CCSER1: variants seen among roughly 807,000 people sequenced by gnomAD.
The protein encoded by CCSER1 is serine-rich coiled-coil domain-containing protein 1.
In CCSER1, 41 loss-of-function variants were observed where a neutral mutation model predicts 82.0. That is an observed-to-expected ratio of 0.50 (90% CI 0.39 to 0.65). The LOEUF is 0.65. Ranked by LOEUF, CCSER1 falls within the 30% of genes least tolerant of loss-of-function variation. CCSER1 has a pLI of 0.00. For synonymous variants in CCSER1, 414 were observed against 383.9 expected, an observed-to-expected ratio of 1.08 and a Z score of -0.92; for missense variants, 1,119 against 1,064.2, an observed-to-expected ratio of 1.05 and a Z score of -0.72.
At chr4:90,226,680 T>G (rs905005380) in intron 1 of CCSER1, among the ~76,000 whole-genome samples, 5 of 152,214 alleles carry the variant, frequency 3.3e-5, no homozygotes, top group African/African-American at 1.2e-4. Context: ...CAAAGGGGCT[T>G]TGGCTTTCCA....
intron 3 of CCSER1, among the ~76,000 whole-genome samples, chr4:90,348,178 A>T (rs764937259): frequency 1.1e-4 from 17 of 152,040 alleles, no homozygotes; most frequent in Non-Finnish European, 2.1e-4. Flanking sequence ...TAGGTGAAAT[A>T]CCTGGGTGAC....
intron 10 of CCSER1, among the ~76,000 whole-genome samples, chr4:91,204,452 G>T (rs977304524): frequency 6.6e-6 from 1 of 151,698 alleles, no homozygotes; most frequent in Non-Finnish European, 1.5e-5. Flanking sequence ...CTACTTTGGG[G>T]AAATCCCACC....
chr4:90,151,283 A>G (rs1172457701), intron 1 of CCSER1, among the ~76,000 whole-genome samples: 2 of 152,082 alleles, frequency 1.3e-5, no homozygotes, highest in Non-Finnish European at 1.5e-5. Context: ...TCTTGCTACT[A>G]TATTTTAGAT....
chr4:90,144,422 T>C (rs1725422836), intron 1 of CCSER1, among the ~76,000 whole-genome samples: 2 of 152,230 alleles, frequency 1.3e-5, no homozygotes, highest in Non-Finnish European at 2.9e-5. Flanking sequence ...ATAGCTCTTG[T>C]AACATTCATC....
At chr4:90,696,384 A>G (rs1736996356) in intron 6 of CCSER1, among the ~76,000 whole-genome samples, 1 of 140,100 alleles carries the variant, frequency 7.1e-6, no homozygotes, top group African/African-American at 2.6e-5. Context: ...AGTTAAAATA[A>G]TGAGAAACTG....
At chr4:90,732,466 G>A (rs1329247952) in intron 7 of CCSER1, among the ~76,000 whole-genome samples, 2 of 152,098 alleles carry the variant, frequency 1.3e-5, no homozygotes, top group Non-Finnish European at 2.9e-5. Flanking sequence ...ATTTTACTGG[G>A]GGCTTATCAT....
intron 10 of CCSER1, among the ~76,000 whole-genome samples, chr4:91,347,936 CT>C (rs944185331): frequency 1.3e-5 from 2 of 151,112 alleles, no homozygotes; most frequent in African/African-American, 4.8e-5. Flanking sequence ...AGTTTTATTT[CT>C]TCCTTCCCAA....
chr4:91,009,994 T>G (rs1371087696), intron 9 of CCSER1, among the ~76,000 whole-genome samples: 1 of 152,198 alleles, frequency 6.6e-6, no homozygotes, highest in African/African-American at 2.4e-5. Flanking sequence ...CCTGAGAATT[T>G]TTTACTTTCT....
intron 7 of CCSER1, among the ~76,000 whole-genome samples, chr4:90,805,125 A>G (rs1461117379): frequency 6.6e-6 from 1 of 152,204 alleles, no homozygotes. Flanking sequence ...GTAACAAGTT[A>G]TTTCAAAATT....
Position 90,638,881 on chromosome 4 carries a change from G to A in CCSER1, c.1932+10649G>A, listed in dbSNP as rs142048876. ...GTAAAGATTACAGTTGTTTTGAATC[G>A]TAGAGATCTAGGTGTGAATCTCACT... is the stretch of plus-strand genomic sequence containing the variant. On this transcript the variant is annotated intron_variant, in intron 6 of 10. Transcript: ENST00000509176. Among the ~76,000 whole-genome samples the A allele has an allele frequency of 8.9e-3, 1,347 of 152,172 alleles. 9 individuals carry two copies. The highest frequency in any genetic ancestry group is 0.023 in the African/African-American group (968 of 41,528).
intron 10 of CCSER1, among the ~76,000 whole-genome samples, chr4:91,569,698 TC>T (rs1763071894): frequency 2.0e-5 from 3 of 152,142 alleles, no homozygotes; most frequent in Admixed American, 6.5e-5. Flanking sequence ...TTCAATTATC[TC>T]CCACCAGGTC....
intron 5 of CCSER1, among the ~76,000 whole-genome samples, chr4:90,493,220 A>C (rs1768364407): frequency 6.6e-6 from 1 of 152,222 alleles, no homozygotes; most frequent in Non-Finnish European, 1.5e-5. Context: ...GAGAAAAAAG[A>C]GTAAAAAGAA....
chr4:90,183,744 A>G (rs905074341), intron 1 of CCSER1, among the ~76,000 whole-genome samples: 4 of 152,126 alleles, frequency 2.6e-5, no homozygotes, highest in African/African-American at 9.7e-5. Flanking sequence ...AATTCTTTCT[A>G]TTGTCACAAT....
At chr4:90,344,951 C>T (rs887448266) in intron 3 of CCSER1, among the ~76,000 whole-genome samples, 1 of 151,956 alleles carries the variant, frequency 6.6e-6, no homozygotes, top group Admixed American at 6.6e-5. Context: ...ATTCAATTTC[C>T]TCGTAACATT....
chr4:90,691,882 CTGT>C lies in CCSER1; in HGVS notation c.1933-32027_1933-32025del, dbSNP rs1736051609. 8.6e-5 allele frequency among the ~76,000 whole-genome samples: 13 copies of C among 151,842 alleles called. No homozygotes were observed. The South Asian group carries it at 2.7e-3, about 32-fold the overall frequency. ...TCCACCCTCACATAGGTTCCCGTGT[CTGT>C]TGTTCCCTTCTTTGTGTCCATATGT... is the stretch of plus-strand genomic sequence containing the variant. On this transcript the variant is annotated intron_variant, in intron 6 of 10. Transcript: ENST00000509176.
At chr4:90,307,944 G>A (rs1484850197) in intron 1 of CCSER1, among the ~76,000 whole-genome samples, 1 of 152,142 alleles carries the variant, frequency 6.6e-6, no homozygotes, top group Non-Finnish European at 1.5e-5. Flanking sequence ...ACAGCTATAA[G>A]TAGGAAGTCT....
At position 90,496,806 on chromosome 4, in the gene CCSER1, G is replaced by A. The variant is rs572914901; in HGVS notation, c.1724+28452G>A. 1.9e-4 allele frequency among the ~76,000 whole-genome samples: 29 copies of A among 151,728 alleles called. No individual in the cohort carries two copies. The East Asian group carries it at 2.7e-3, about 14-fold the overall frequency. On this transcript the variant is annotated intron_variant, in intron 5 of 10. Coordinates refer to ENST00000509176, the MANE Select transcript of CCSER1 (RefSeq NM_001145065.2). ...ATCCTGGCCAACATGGTGAAACCCC[G>A]TCTCTACTAAAAATACAAAAATTAG... is the stretch of plus-strand genomic sequence containing the variant.
At chr4:90,599,890 C>T (rs1441267779) in intron 5 of CCSER1, among the ~76,000 whole-genome samples, 3 of 152,174 alleles carry the variant, frequency 2.0e-5, no homozygotes, top group African/African-American at 7.2e-5. Context: ...CCTGCTGTGG[C>T]TCCACACAGC....
chr4:90,756,863 G>T (rs1749611801), intron 7 of CCSER1, among the ~76,000 whole-genome samples: 1 of 152,112 alleles, frequency 6.6e-6, no homozygotes, highest in African/African-American at 2.4e-5. Context: ...AGTACTTCTT[G>T]AAAGTATAGC....
Sources: gnomAD v4.1 joint callset for allele counts (sites outside exome capture counted in the v4.1 genomes callset) on GRCh38, gnomAD v4.1.1 for gene constraint, MANE v1.5 for transcripts, NCBI Gene and HGNC (gene_info 2026-07-23, HGNC 2026-07-21) for gene names.